Variants in RNF125 observed in about 807,000 individuals in gnomAD.
RNF125 encodes the protein E3 ubiquitin-protein ligase RNF125.
In RNF125, 21 loss-of-function variants were observed where a neutral mutation model predicts 26.0. The ratio of observed to expected loss-of-function variants is 0.81; its 90% confidence interval spans 0.57 to 1.16. RNF125 has a LOEUF of 1.16. Ranked by LOEUF, RNF125 falls within the 50% of genes most tolerant of loss-of-function variation. The probability of loss-of-function intolerance (pLI) is 0.00; values close to 1 mark genes in which losing one functional copy is unlikely to be tolerated. For missense variants in RNF125, 270 were observed against 299.4 expected (o/e 0.90, Z 0.72); for synonymous variants, 95 against 109.2 (o/e 0.87, Z 0.81).
chr18:32,049,994 G>A (rs969390797), intron 4 of RNF125, among the ~76,000 whole-genome samples: 4 of 152,078 alleles, frequency 2.6e-5, no homozygotes, highest in African/African-American at 9.7e-5. Flanking sequence ...ATTCTGGATG[G>A]GTGTGGAAGT....
the RNF125 span, among the ~76,000 whole-genome samples, chr18:32,083,707 T>C: frequency 6.6e-6 from 1 of 151,588 alleles, no homozygotes. Context: ...AGCTCAGAAG[T>C]TTGAAACCAG....
chr18:32,043,589 A>G (rs1004188125), intron 3 of RNF125, among the ~76,000 whole-genome samples: 3 of 152,180 alleles, frequency 2.0e-5, no homozygotes, highest in South Asian at 2.1e-4. Context: ...ACAATGACCA[A>G]TAGGAAGGAA....
chr18:32,036,072 T>G (rs557175055), intron 1 of RNF125, among the ~76,000 whole-genome samples: 1 of 151,480 alleles, frequency 6.6e-6, no homozygotes, highest in African/African-American at 2.4e-5. Context: ...GAGAATTGCT[T>G]GAACCCAGGA....
the RNF125 span, among the ~76,000 whole-genome samples, chr18:32,087,362 C>T: frequency 6.6e-6 from 1 of 151,618 alleles, no homozygotes; most frequent in Non-Finnish European, 1.5e-5. Context: ...CTATGGGAAC[C>T]GCAACTTGAA....
rs2039505481 is a variant in RNF125, at chr18:32,068,594, TAAC to T, written c.*216_*218del. The T allele has an allele frequency of 2.3e-6, 1 of 442,824 alleles. No homozygotes were observed. The highest frequency in any genetic ancestry group is 4.0e-5 in the Admixed American group (1 of 25,176). The allele number at this position is 442,824 out of a possible 1,614,324, so 27.4% of individuals were successfully genotyped here. On this transcript the variant is annotated 3_prime_UTR_variant, in exon 6 of 6. Coordinates refer to ENST00000217740, the MANE Select transcript of RNF125 (RefSeq NM_017831.4). ...TACATCCTTGAGATTCTTACACATCTAACAACAAAAAAAATTATCTACATCAGT... is the reference window on the plus strand; with the variant it reads ...TACATCCTTGAGATTCTTACACATCTAACAAAAAAAATTATCTACATCAGT...
At chr18:32,046,399 A>G (rs769831869) in intron 4 of RNF125, among the ~76,000 whole-genome samples, 37 of 151,974 alleles carry the variant, frequency 2.4e-4, no homozygotes, top group Non-Finnish European at 4.0e-4. Context: ...GATTGAGACC[A>G]TCCTGGCTAA....
chr18:32,020,843 AGGTT>A (rs1442407055), intron 1 of RNF125, among the ~76,000 whole-genome samples: 2 of 151,742 alleles, frequency 1.3e-5, no homozygotes, highest in African/African-American at 4.8e-5. Flanking sequence ...TGGGAGGCAG[AGGTT>A]GCAGTGAGCT....
Position 32,072,673 on chromosome 18 carries a change from C to A in RNF125, c.*4289C>A, listed in dbSNP as rs1025677806. 2.6e-5 allele frequency: 4 copies of A among 152,116 alleles called. No individual in the cohort carries two copies. Among genetic ancestry groups the A allele is most frequent in the Non-Finnish European group, 5.9e-5 (4 of 68,018 alleles). 9.4% of individuals were successfully genotyped at this position (152,116 alleles called of 1,614,324 possible). ...CTTTTATAAAAAGGTATTTATAATT[C>A]GTTGATAAAAACCAATATTTGAAGC... On this transcript the variant is annotated 3_prime_UTR_variant, in exon 6 of 6. Coordinates refer to ENST00000217740, the MANE Select transcript of RNF125 (RefSeq NM_017831.4).
chr18:32,036,597 G>A (rs894129009), intron 1 of RNF125, among the ~76,000 whole-genome samples: 3 of 134,846 alleles, frequency 2.2e-5, no homozygotes, highest in Non-Finnish European at 3.2e-5. Context: ...AAGGAAGGAA[G>A]AAGGGAGGGA....
chr18:32,032,134 T>C (rs1012102010), intron 1 of RNF125, among the ~76,000 whole-genome samples: 1 of 152,184 alleles, frequency 6.6e-6, no homozygotes, highest in African/African-American at 2.4e-5. Context: ...TGGAGTGCAG[T>C]GGCACGATCT....
At chr18:32,045,612 A>T in intron 3 of RNF125, 30 bp from the exon 4 acceptor site, 1 of 1,453,772 alleles carries the variant, frequency 6.9e-7, no homozygotes, top group Non-Finnish European at 9.5e-7. Flanking sequence ...CAACCATTTT[A>T]ATATTATTTG....
chr18:32,053,283 A>C (rs2144497074), intron 4 of RNF125, among the ~76,000 whole-genome samples: 1 of 151,972 alleles, frequency 6.6e-6, no homozygotes, highest in East Asian at 1.9e-4. Context: ...AATCGCTTGA[A>C]CCCGGGAGGT....
the RNF125 span, among the ~76,000 whole-genome samples, chr18:32,086,253 C>CTTTATTTTTTTTT: frequency 6.8e-6 from 1 of 148,040 alleles, no homozygotes; most frequent in Non-Finnish European, 1.5e-5. Context: ...CAAGCTCTTG[C>CTTTATTTTTTTTT]TGTGTTGCTT....
downstream of RNF125, among the ~76,000 whole-genome samples, chr18:32,074,699 T>C (rs947824244): frequency 2.6e-5 from 4 of 152,072 alleles, no homozygotes; most frequent in Non-Finnish European, 4.4e-5. Context: ...TGCACCACCA[T>C]GCCCAGCTAA....
chr18:32,086,355 GTTT>G, the RNF125 span, among the ~76,000 whole-genome samples: 3 of 133,686 alleles, frequency 2.2e-5, no homozygotes, highest in Admixed American at 7.7e-5. Context: ...AGATATTTGT[GTTT>G]TTTTTTTTTT....
chr18:32,079,757 C>G, the RNF125 span, among the ~76,000 whole-genome samples: 1 of 152,194 alleles, frequency 6.6e-6, no homozygotes. Context: ...CAGACAACTT[C>G]TCTCCTGGAC....
intron 1 of RNF125, among the ~76,000 whole-genome samples, chr18:32,033,817 C>T (rs1284270077): frequency 6.9e-6 from 1 of 145,438 alleles, no homozygotes; most frequent in Non-Finnish European, 1.5e-5. Flanking sequence ...GAAATTTCAT[C>T]TCAAACAAAC....
At chr18:32,042,051 C>A (rs2039225843) in intron 2 of RNF125, 128 bp from the exon 3 acceptor site, 9 of 677,172 alleles carry the variant, frequency 1.3e-5, no homozygotes, top group Non-Finnish European at 2.3e-5. Flanking sequence ...ACTGGTGTTA[C>A]GAATGCATCT....
intron 4 of RNF125, among the ~76,000 whole-genome samples, chr18:32,053,119 TC>T (rs1459853129): frequency 6.6e-5 from 10 of 152,218 alleles, no homozygotes; most frequent in African/African-American, 2.4e-4. Flanking sequence ...TCCCAGCCCT[TC>T]GGGAGGCCGA....
Sources: allele counts gnomAD v4.1 joint callset (sites outside exome capture counted in the v4.1 genomes callset), GRCh38; gene constraint gnomAD v4.1.1; transcripts MANE v1.5; gene names NCBI Gene and HGNC (gene_info 2026-07-23, HGNC 2026-07-21).